The following PCSK6 variants were observed in gnomAD, a reference collection of about 807,000 sequenced individuals.
PCSK6 encodes the protein proprotein convertase subtilisin/kexin type 6.
Under a neutral mutation model 123.3 loss-of-function variants are expected in PCSK6, and 85 were observed. The observed-to-expected ratio is 0.69, with a 90% CI of 0.58 to 0.83. The LOEUF (loss-of-function observed/expected upper bound fraction) is 0.83. Among genes scored for constraint, PCSK6 ranks in the 40% least tolerant of loss-of-function variants. The probability of loss-of-function intolerance (pLI) is 0.00; values close to 1 mark genes in which losing one functional copy is unlikely to be tolerated. For synonymous variants in PCSK6, 508 were observed against 516.0 expected (o/e 0.98, Z 0.21); for missense variants, 1,191 against 1,282.3 (o/e 0.93, Z 1.09).
At chr15:101,326,276 C>G in intron 16 of PCSK6, 101 bp downstream of exon 16, 1 of 849,058 alleles carries the variant, frequency 1.2e-6, no homozygotes. Context: ...TTTGGGGGTG[C>G]TACGTTACTT....
chr15:101,385,738 G>A (rs1036793725), intron 9 of PCSK6, among the ~76,000 whole-genome samples: 15 of 152,110 alleles, frequency 9.9e-5, no homozygotes, highest in African/African-American at 3.6e-4. Context: ...CAAGCTTTCT[G>A]CAAGGCTGCT....
chr15:101,421,810 C>G (rs1435012525), intron 6 of PCSK6, among the ~76,000 whole-genome samples: 1 of 152,176 alleles, frequency 6.6e-6, no homozygotes, highest in Non-Finnish European at 1.5e-5. Flanking sequence ...TTTTAAGCAG[C>G]TGCATTTTTA....
chr15:101,372,991 G>C (rs550632672), intron 11 of PCSK6, among the ~76,000 whole-genome samples: 2 of 151,980 alleles, frequency 1.3e-5, no homozygotes, highest in East Asian at 1.9e-4. Context: ...ATGAGAGAAC[G>C]GGAGCAGGGT....
intron 8 of PCSK6, 29 bp from the exon 9 acceptor site, chr15:101,389,593 G>A: frequency 1.3e-6 from 2 of 1,557,618 alleles, no homozygotes; most frequent in South Asian, 1.1e-5. Context: ...CAGTGAGGCA[G>A]TGATGGCAGA....
At chr15:101,416,457 C>A (rs1243649557) in intron 6 of PCSK6, among the ~76,000 whole-genome samples, 1 of 152,210 alleles carries the variant, frequency 6.6e-6, no homozygotes, top group Non-Finnish European at 1.5e-5. Context: ...CCTGATGATG[C>A]AGTAGAAAAG....
chr15:101,408,452 C>T (rs2042843830), intron 6 of PCSK6, among the ~76,000 whole-genome samples: 1 of 152,246 alleles, frequency 6.6e-6, no homozygotes, highest in African/African-American at 2.4e-5. Context: ...TGCAGCAGGG[C>T]GGCCTGAGGA....
At chr15:101,472,784 G>A (rs1366819571) in intron 1 of PCSK6, among the ~76,000 whole-genome samples, 4 of 152,368 alleles carry the variant, frequency 2.6e-5, no homozygotes, top group Non-Finnish European at 4.4e-5. Flanking sequence ...ATTGGGTTAA[G>A]ACAGGATTTT....
intron 13 of PCSK6, among the ~76,000 whole-genome samples, chr15:101,361,430 G>C (rs934318244): frequency 1.6e-5 from 2 of 122,694 alleles, no homozygotes; most frequent in South Asian, 2.3e-4. Context: ...TAAGGTGGGA[G>C]AGTGGGTAGG....
intron 2 of PCSK6, among the ~76,000 whole-genome samples, chr15:101,442,859 G>A (rs923075921): frequency 4.6e-5 from 7 of 151,974 alleles, no homozygotes; most frequent in South Asian, 2.1e-4. Context: ...TTCCTGCTTC[G>A]TTTTCTGTCA....
chr15:101,392,068 A>G (rs1275170018), intron 8 of PCSK6, among the ~76,000 whole-genome samples: 3 of 152,234 alleles, frequency 2.0e-5, no homozygotes, highest in Non-Finnish European at 2.9e-5. Context: ...CACGCAGTCC[A>G]TGTTATAAAC....
At chr15:101,377,045 T>C (rs1032712718) in intron 11 of PCSK6, among the ~76,000 whole-genome samples, 12 of 152,186 alleles carry the variant, frequency 7.9e-5, no homozygotes, top group Non-Finnish European at 1.3e-4. Context: ...GCTCTTGGCT[T>C]CCTAAAAAGA....
At chr15:101,395,402 C>G (rs10400816) in intron 7 of PCSK6, among the ~76,000 whole-genome samples, 48,831 of 152,084 alleles carry the variant, frequency 0.32, 8,333 homozygotes, top group Non-Finnish European at 0.38. Flanking sequence ...ATACCAAGAG[C>G]CTGAAATGCT....
chr15:101,395,034 C>T (rs537086950), intron 7 of PCSK6, among the ~76,000 whole-genome samples: 16 of 152,210 alleles, frequency 1.1e-4, no homozygotes, highest in Non-Finnish European at 1.9e-4. Flanking sequence ...AGAGATTCAG[C>T]TGAAGCCGGT....
chr15:101,325,679 G>A (rs2040237204), intron 16 of PCSK6, among the ~76,000 whole-genome samples: 1 of 152,214 alleles, frequency 6.6e-6, no homozygotes, highest in Admixed American at 6.5e-5. Flanking sequence ...TGGACAACAG[G>A]GCAGCTGCAG....
chr15:101,425,158 G>C (rs558124711), intron 6 of PCSK6, among the ~76,000 whole-genome samples: 1 of 152,202 alleles, frequency 6.6e-6, no homozygotes, highest in Non-Finnish European at 1.5e-5. Context: ...TTACGTCTGC[G>C]GCGTGGGGCT....
chr15:101,324,987 C>T lies in PCSK6; in HGVS notation c.2240G>A (p.Arg747His), dbSNP rs367843272. ...YFGDTAARRC[R>H]RCHKGCETCS... ...GGTCTCACACCCCTTGTGGCACCGG[C>T]GACAGCGTCTTGCTGCTGTGTCCCC... is the stretch of plus-strand genomic sequence containing the variant. Residue 747 changes from arginine (R) to histidine (H), a missense_variant, in exon 17 of 22, where the codon CGC (arginine) becomes CAC (histidine). Physicochemically the swap from Arg to His is conservative, Grantham distance 29. Coordinates refer to ENST00000611716, the MANE Select transcript of PCSK6 (RefSeq NM_002570.5). 60 of 1,612,640 alleles carry T rather than the reference C, an allele frequency of 3.7e-5. No homozygotes were observed. Among genetic ancestry groups the T allele is most frequent in the Non-Finnish European group, 4.7e-5 (56 of 1,179,868 alleles).
rs77552789 is a variant in PCSK6 at position 101,311,672 on chromosome 15, C to T, written c.2699+1704G>A. Among the ~76,000 whole-genome samples, 570 of 69,434 alleles carry T rather than the reference C, an allele frequency of 8.2e-3. 1 individual carries two copies. Among genetic ancestry groups the T allele is most frequent in the Middle Eastern group, 0.015 (2 of 136 alleles). 45.6% of individuals were successfully genotyped at this position (69,434 alleles called of 152,430 possible). A position where few individuals can be genotyped will look rare whatever the true frequency, so the allele number is the denominator to read the frequency against. ...TCACCCCATCGTCACCCCTCACAGC[C>T]CACCCCATCGTCACCCCTCACAGCC... On this transcript the variant is annotated intron_variant, in intron 20 of 21. Coordinates refer to ENST00000611716, the MANE Select transcript of PCSK6 (RefSeq NM_002570.5).
Position 101,417,192 on chromosome 15 carries a change from T to A in PCSK6, c.823+10700A>T, listed in dbSNP as rs2055918224. 2.0e-5 allele frequency among the ~76,000 whole-genome samples: 3 copies of A among 152,210 alleles called. No homozygotes were observed. In the South Asian group the frequency reaches 6.2e-4, roughly 32 times the overall value. On this transcript the variant is annotated intron_variant, in intron 6 of 21. Coordinates refer to ENST00000611716, the MANE Select transcript of PCSK6 (RefSeq NM_002570.5). ...TCTGCTTTTGCTTCCTCCTCATTTT[T>A]CTCTTGCCACCGCCATGTTAAGAAG...
intron 1 of PCSK6, among the ~76,000 whole-genome samples, chr15:101,457,148 A>T (rs777615405): frequency 5.9e-5 from 9 of 152,106 alleles, no homozygotes; most frequent in Non-Finnish European, 1.0e-4. Context: ...CTCCAGCCTG[A>T]GCAACAGAGT....
Sources: allele counts gnomAD v4.1 joint callset (sites outside exome capture counted in the v4.1 genomes callset), GRCh38; gene constraint gnomAD v4.1.1; transcripts MANE v1.5; gene names NCBI Gene and HGNC (gene_info 2026-07-23, HGNC 2026-07-21).